ZNF676: variants seen among roughly 807,000 people sequenced by gnomAD.
The protein encoded by ZNF676 is zinc finger protein 676.
A neutral mutation model predicts 6.0 loss-of-function variants in ZNF676; 4 were observed. The observed-to-expected ratio is 0.67, with a 90% CI of 0.33 to 1.53. The LOEUF is 1.53. Among genes scored for constraint, ZNF676 ranks in the 40% most tolerant of loss-of-function variants. ZNF676 has a pLI of 0.06. For synonymous variants in ZNF676, 198 were observed against 223.1 expected, an observed-to-expected ratio of 0.89 and a Z score of 1.00; for missense variants, 644 against 679.7, an observed-to-expected ratio of 0.95 and a Z score of 0.58.
upstream of ZNF676, among the ~76,000 whole-genome samples, chr19:22,215,946 G>C (rs560173528): frequency 6.6e-6 from 1 of 152,342 alleles, no homozygotes; most frequent in African/African-American, 2.4e-5. Context: ...AACGTAGGCT[G>C]CAGCCTTTTC....
upstream of ZNF676, chr19:22,215,806 C>A (rs1050345831): frequency 6.4e-5 from 38 of 591,102 alleles, no homozygotes; most frequent in East Asian, 4.2e-4. Flanking sequence ...GTCCCCCCCC[C>A]CAGCTGCCTG....
intron 1 of ZNF676, among the ~76,000 whole-genome samples, chr19:22,213,681 TGA>T (rs1277869972): frequency 6.7e-6 from 1 of 148,640 alleles, no homozygotes; most frequent in African/African-American, 2.5e-5. Context: ...TTATGGGAGA[TGA>T]GAGGCTACAC....
the ZNF676 span, among the ~76,000 whole-genome samples, chr19:22,229,724 T>G: frequency 6.6e-6 from 1 of 152,306 alleles, no homozygotes; most frequent in South Asian, 2.1e-4. Context: ...AAGACATTTA[T>G]GCAGCCAACA....
intron 1 of ZNF676, among the ~76,000 whole-genome samples, chr19:22,212,093 G>A (rs2024134266): frequency 2.6e-5 from 4 of 151,592 alleles, no homozygotes; most frequent in Admixed American, 2.0e-4. Flanking sequence ...CCAGCTACTT[G>A]GGAGGCTGAA....
chr19:22,222,705 T>A, the ZNF676 span, among the ~76,000 whole-genome samples: 1 of 152,204 alleles, frequency 6.6e-6, no homozygotes, highest in Non-Finnish European at 1.5e-5. Flanking sequence ...GATGCCCTCT[T>A]TATTTGTAAT....
Position 22,202,381 on chromosome 19 carries a change from C to T in ZNF676, c.4-5655G>A, listed in dbSNP as rs1055809795. On this transcript the variant is annotated intron_variant, in intron 1 of 3. Coordinates refer to the ZNF676 transcript ENST00000650058. ...CAGAGGATGATAGATACCAAGTAGG[C>T]AGAGACACAATTCCACCTGCATATT... is the stretch of plus-strand genomic sequence containing the variant. Among the ~76,000 whole-genome samples the T allele has an allele frequency of 2.6e-5, 4 of 152,278 alleles. No individual in the cohort carries two copies. In the East Asian group the frequency reaches 5.8e-4, roughly 22 times the overall value.
chr19:22,255,885 G>C, the ZNF676 span, among the ~76,000 whole-genome samples: 17 of 151,382 alleles, frequency 1.1e-4, no homozygotes, highest in East Asian at 1.9e-4. Flanking sequence ...AAATAGTTTT[G>C]CTATCCCAAA....
chr19:22,232,155 CA>C, the ZNF676 span, among the ~76,000 whole-genome samples: 2 of 151,668 alleles, frequency 1.3e-5, no homozygotes, highest in Admixed American at 6.6e-5. Flanking sequence ...GTTACAATAG[CA>C]TATTTCTTTT....
the ZNF676 span, among the ~76,000 whole-genome samples, chr19:22,257,687 T>C: frequency 6.6e-6 from 1 of 152,054 alleles, no homozygotes. Context: ...CAGTGATAAA[T>C]CACAGTTTCT....
intron 1 of ZNF676, among the ~76,000 whole-genome samples, chr19:22,208,627 C>T (rs922329803): frequency 7.9e-5 from 12 of 152,246 alleles, no homozygotes; most frequent in South Asian, 2.1e-4. Flanking sequence ...AACCTAAATG[C>T]CTATCAATGG....
At chr19:22,194,294 G>A (rs2023944180) in intron 1 of ZNF676, among the ~76,000 whole-genome samples, 1 of 152,128 alleles carries the variant, frequency 6.6e-6, no homozygotes, top group Non-Finnish European at 1.5e-5. Flanking sequence ...TGCCCCTGCT[G>A]CAGAAATGCT....
At chr19:22,227,584 A>G in the ZNF676 span, among the ~76,000 whole-genome samples, 3 of 152,178 alleles carry the variant, frequency 2.0e-5, no homozygotes, top group African/African-American at 7.2e-5. Context: ...TGGTTTTTTG[A>G]AAAGATCTAC....
chr19:22,234,993 AAAG>A, the ZNF676 span, among the ~76,000 whole-genome samples: 15 of 113,524 alleles, frequency 1.3e-4, no homozygotes, highest in East Asian at 7.7e-4. Flanking sequence ...AGAAAGAAAG[AAAG>A]AAAGAAAGAA....
upstream of ZNF676, among the ~76,000 whole-genome samples, chr19:22,197,544 G>A (rs2023980460): frequency 6.6e-6 from 1 of 151,498 alleles, no homozygotes; most frequent in Non-Finnish European, 1.5e-5. Flanking sequence ...AATGTTTTTG[G>A]CCCAAAAAGA....
At chr19:22,226,709 G>A in the ZNF676 span, among the ~76,000 whole-genome samples, 1 of 151,164 alleles carries the variant, frequency 6.6e-6, no homozygotes, top group Admixed American at 6.6e-5. Context: ...TGATTCTCCT[G>A]CCTCAGCCTC....
the ZNF676 span, among the ~76,000 whole-genome samples, chr19:22,253,462 G>T: frequency 2.8e-5 from 2 of 72,602 alleles, no homozygotes; most frequent in African/African-American, 4.0e-5. Context: ...ATATGATAAT[G>T]TGTGTATATA....
the ZNF676 span, among the ~76,000 whole-genome samples, chr19:22,230,971 G>T: frequency 2.0e-5 from 3 of 151,638 alleles, no homozygotes; most frequent in Admixed American, 2.0e-4. Flanking sequence ...AAAAAAAGGG[G>T]GGATTATTTT....
At chr19:22,194,770 T>C (rs2023949755) in intron 1 of ZNF676, among the ~76,000 whole-genome samples, 1 of 152,002 alleles carries the variant, frequency 6.6e-6, no homozygotes, top group South Asian at 2.1e-4. Flanking sequence ...CCTCAAACAA[T>C]GACGGCATTC....
chr19:22,253,824 AAC>A, the ZNF676 span, among the ~76,000 whole-genome samples: 40 of 152,076 alleles, frequency 2.6e-4, no homozygotes, highest in South Asian at 6.2e-4. Flanking sequence ...GCATATAAGA[AAC>A]ACAGTCTCAC....
Sources: gnomAD v4.1 joint callset for allele counts (sites outside exome capture counted in the v4.1 genomes callset) on GRCh38, gnomAD v4.1.1 for gene constraint, MANE v1.5 for transcripts, NCBI Gene and HGNC (gene_info 2026-07-23, HGNC 2026-07-21) for gene names.